SPIRE1: variants seen among roughly 807,000 people sequenced by gnomAD.
The protein encoded by SPIRE1 is protein spire homolog 1.
A neutral mutation model predicts 94.1 loss-of-function variants in SPIRE1; 40 were observed. The observed-to-expected ratio is 0.43, with a 90% CI of 0.33 to 0.55. The LOEUF (loss-of-function observed/expected upper bound fraction) is 0.55, where lower values mean the gene tolerates loss of function less well. Among genes scored for constraint, SPIRE1 ranks in the 20% least tolerant of loss-of-function variants. SPIRE1 has a pLI of 0.06. For missense variants in SPIRE1, 838 were observed against 975.2 expected (o/e 0.86, Z 1.87); for synonymous variants, 376 against 371.7 (o/e 1.01, Z -0.13).
chr18:12,452,604 C>T, intron 14 of SPIRE1, 92 bp from the exon 15 acceptor site: 1 of 1,245,804 alleles, frequency 8.0e-7, no homozygotes, highest in Non-Finnish European at 1.2e-6. Flanking sequence ...TGTAAGTTTC[C>T]ACAATAAACT....
chr18:12,516,234 C>G (rs2034190605), intron 4 of SPIRE1: 1 of 152,194 alleles, frequency 6.6e-6, no homozygotes, highest in South Asian at 2.1e-4. Flanking sequence ...TTGAGCAGGG[C>G]TGACCCAGTA....
At chr18:12,537,796 A>C (rs1231410717) in intron 3 of SPIRE1, among the ~76,000 whole-genome samples, 1 of 152,232 alleles carries the variant, frequency 6.6e-6, no homozygotes, top group African/African-American at 2.4e-5. Context: ...AATTTAACCA[A>C]GGAGGTGTAA....
At chr18:12,661,378 G>C, upstream of SPIRE1, 1 of 984,236 alleles carries the variant, frequency 1.0e-6, no homozygotes, top group Non-Finnish European at 1.2e-6. Flanking sequence ...AGTGACTGCT[G>C]ACCACTCAAA....
At chr18:12,625,279 C>T (rs1046463815) in intron 2 of SPIRE1, among the ~76,000 whole-genome samples, 1 of 152,156 alleles carries the variant, frequency 6.6e-6, no homozygotes, top group Non-Finnish European at 1.5e-5. Context: ...CACCGTGTTG[C>T]GGCCATGGGA....
rs1045787684 is a variant in SPIRE1 at position 12,449,342 on chromosome 18, G to C, written c.*296C>G. The C allele has an allele frequency of 4.3e-5, 16 of 368,310 alleles. No homozygotes were observed. Among genetic ancestry groups the C allele is most frequent in the Non-Finnish European group, 7.5e-5 (15 of 200,558 alleles). 22.8% of individuals were successfully genotyped at this position (368,310 alleles called of 1,614,324 possible). On this transcript the variant is annotated 3_prime_UTR_variant, in exon 17 of 17. Coordinates refer to ENST00000409402, the MANE Select transcript of SPIRE1 (RefSeq NM_001128626.2). ...TAGTCAGGAGATTATTCGAGGAACA[G>C]TAAAGAACTGAACTAAGGAAGTAGC... is the stretch of plus-strand genomic sequence containing the variant.
intron 2 of SPIRE1, among the ~76,000 whole-genome samples, chr18:12,624,280 C>G (rs1045951727): frequency 2.7e-5 from 4 of 150,802 alleles, no homozygotes; most frequent in African/African-American, 9.7e-5. Context: ...TGGTGGCTCA[C>G]ACCTGTAATC....
chr18:12,660,075 C>T (rs549953918), upstream of SPIRE1, among the ~76,000 whole-genome samples: 2 of 152,274 alleles, frequency 1.3e-5, no homozygotes, highest in African/African-American at 4.8e-5. Flanking sequence ...GCCCATTGCA[C>T]TTGGACAACT....
At chr18:12,595,329 C>G (rs891103013) in intron 2 of SPIRE1, among the ~76,000 whole-genome samples, 3 of 152,068 alleles carry the variant, frequency 2.0e-5, no homozygotes, top group Non-Finnish European at 4.4e-5. Context: ...AACAATAATA[C>G]AGGATATAAC....
chr18:12,621,561 A>G (rs1193662514), intron 2 of SPIRE1, among the ~76,000 whole-genome samples: 2 of 152,246 alleles, frequency 1.3e-5, no homozygotes, highest in Non-Finnish European at 2.9e-5. Context: ...GTACTGATAC[A>G]TGTATGACAT....
intron 2 of SPIRE1, among the ~76,000 whole-genome samples, chr18:12,563,443 T>A (rs1213226126): frequency 6.6e-6 from 1 of 152,094 alleles, no homozygotes; most frequent in Non-Finnish European, 1.5e-5. Context: ...TGCTTCCACC[T>A]CCCAAGTAGC....
rs532159926 is a variant in SPIRE1 at position 12,546,607 on chromosome 18, G to T, written c.603+67C>A. On this transcript the variant is annotated intron_variant, in intron 3 of 16. Transcript: ENST00000409402. ...CAGAGTGAGACCATCTCTCCAGGGG[G>T]GGAAAAAAAAGAAGAAGAAATAACA... 4.2e-6 allele frequency: 5 copies of T among 1,193,484 alleles called. No individual in the cohort carries two copies. The Admixed American group carries it at 7.1e-5, about 17-fold the overall frequency. The allele number at this position is 1,193,484 out of a possible 1,614,324, so 73.9% of individuals were successfully genotyped here.
At chr18:12,652,231 T>C (rs1169349533) in intron 1 of SPIRE1, among the ~76,000 whole-genome samples, 1 of 152,074 alleles carries the variant, frequency 6.6e-6, no homozygotes, top group Non-Finnish European at 1.5e-5. Context: ...CTAAAGACCC[T>C]GTATACCAAA....
intron 4 of SPIRE1, among the ~76,000 whole-genome samples, chr18:12,522,442 G>C (rs1298062120): frequency 6.6e-6 from 1 of 152,224 alleles, no homozygotes; most frequent in African/African-American, 2.4e-5. Context: ...CTCGATAAAA[G>C]TGCAAGGTGA....
chr18:12,588,279 G>A (rs2036440924), intron 2 of SPIRE1: 1 of 151,958 alleles, frequency 6.6e-6, no homozygotes, highest in Non-Finnish European at 1.5e-5. Context: ...AAGTAGATTA[G>A]GTTAAAAAAA....
intron 9 of SPIRE1, among the ~76,000 whole-genome samples, chr18:12,480,497 C>A (rs2032798492): frequency 6.6e-6 from 1 of 152,144 alleles, no homozygotes; most frequent in African/African-American, 2.4e-5. Context: ...CTCCTTTCAT[C>A]TGTAAAATGA....
chr18:12,652,908 A>C (rs554089765), intron 1 of SPIRE1: 8 of 152,366 alleles, frequency 5.3e-5, no homozygotes, highest in African/African-American at 1.9e-4. Context: ...TAAAAGGACT[A>C]AATGGAGTGA....
At chr18:12,621,063 G>A (rs1356392549) in intron 2 of SPIRE1, among the ~76,000 whole-genome samples, 1 of 152,126 alleles carries the variant, frequency 6.6e-6, no homozygotes, top group Non-Finnish European at 1.5e-5. Flanking sequence ...CTTAAAAAAA[G>A]GGGGAGTGGG....
upstream of SPIRE1, among the ~76,000 whole-genome samples, chr18:12,660,874 C>T (rs1226727184): frequency 6.6e-6 from 1 of 152,036 alleles, no homozygotes; most frequent in Non-Finnish European, 1.5e-5. Context: ...TGTGATGTTT[C>T]TTCTCTACAC....
intron 2 of SPIRE1, among the ~76,000 whole-genome samples, chr18:12,605,698 T>A (rs1294200237): frequency 1.3e-5 from 2 of 152,184 alleles, no homozygotes; most frequent in East Asian, 1.9e-4. Flanking sequence ...AACACAGTCA[T>A]ATTATCTGCT....
Sources: gnomAD v4.1 joint callset for allele counts (sites outside exome capture counted in the v4.1 genomes callset) on GRCh38, gnomAD v4.1.1 for gene constraint, MANE v1.5 for transcripts, NCBI Gene and HGNC (gene_info 2026-07-23, HGNC 2026-07-21) for gene names.